The following EHMT1 variants were observed in gnomAD, a reference collection of about 807,000 sequenced individuals.
EHMT1 encodes the protein euchromatic histone lysine methyltransferase 1, also known as histone-lysine N-methyltransferase EHMT1.
A neutral mutation model predicts 147.2 loss-of-function variants in EHMT1; 15 were observed. The ratio of observed to expected loss-of-function variants is 0.10; its 90% CI spans 0.07 to 0.16. EHMT1 has a LOEUF of 0.16. Among genes scored for constraint, EHMT1 ranks in the 10% least tolerant of loss-of-function variants. EHMT1 has a pLI of 1.00. For missense variants in EHMT1, 1,587 were observed against 1,772.4 expected (o/e 0.90, Z 1.88); for synonymous variants, 795 against 709.6 (o/e 1.12, Z -1.91).
chr9:137,818,155 G>T lies in EHMT1; in HGVS notation c.3540+17G>T. On this transcript the variant is annotated intron_variant, in intron 25 of 26. Transcript: ENST00000460843. The stretch of plus-strand genomic sequence containing the variant: ...GACAATAAGGTAATGTGTTTTGTGG[G>T]GTTGGGGCCACGCAGAACTTGTGAA... The T allele has an allele frequency of 1.9e-6, 3 of 1,613,964 alleles. No homozygotes were observed. Among genetic ancestry groups the T allele is most frequent in the Non-Finnish European group, 2.5e-6 (3 of 1,179,798 alleles).
At chr9:137,657,101 T>A (rs1938539566) in intron 1 of EHMT1, among the ~76,000 whole-genome samples, 1 of 152,176 alleles carries the variant, frequency 6.6e-6, no homozygotes, top group Non-Finnish European at 1.5e-5. Flanking sequence ...TGCTGTGGTC[T>A]GGGGGGTGTA....
chr9:137,739,441 G>A (rs917630905), intron 4 of EHMT1, among the ~76,000 whole-genome samples: 36 of 152,142 alleles, frequency 2.4e-4, no homozygotes, highest in African/African-American at 7.9e-4. Context: ...GCTGGGTTCA[G>A]TGTCCACACT....
intron 1 of EHMT1, among the ~76,000 whole-genome samples, chr9:137,675,779 ATTTTTTTTTT>A (rs781380107): frequency 3.1e-5 from 3 of 95,740 alleles, no homozygotes; most frequent in South Asian, 3.3e-4. Flanking sequence ...CGCCCGGCTA[ATTTTTTTTTT>A]TTTTTTTTTT....
At chr9:137,665,885 CA>C (rs1426744749) in intron 1 of EHMT1, 2 of 152,236 alleles carry the variant, frequency 1.3e-5, no homozygotes, top group Admixed American at 6.5e-5. Context: ...GCCGCTGGGG[CA>C]GCCTCCATTT....
intron 1 of EHMT1, among the ~76,000 whole-genome samples, chr9:137,656,272 C>T (rs1938436576): frequency 1.3e-5 from 2 of 152,138 alleles, no homozygotes; most frequent in South Asian, 4.1e-4. Flanking sequence ...CCCAGCTACT[C>T]AGGAGGCTGA....
At chr9:137,739,308 A>T (rs1947843909) in intron 4 of EHMT1, among the ~76,000 whole-genome samples, 1 of 151,614 alleles carries the variant, frequency 6.6e-6, no homozygotes, top group South Asian at 2.1e-4. Flanking sequence ...GTGAGCGGAG[A>T]TCGCACCAAT....
At chr9:137,624,853 T>C (rs1164632942) in intron 1 of EHMT1, among the ~76,000 whole-genome samples, 1 of 151,776 alleles carries the variant, frequency 6.6e-6, no homozygotes. Flanking sequence ...ATTAAAGGCA[T>C]GATCCACCGA....
intron 4 of EHMT1, 25 bp from the exon 5 acceptor site, chr9:137,743,346 T>A: frequency 6.4e-7 from 1 of 1,573,712 alleles, no homozygotes; most frequent in Non-Finnish European, 8.6e-7. Context: ...TCTTGTCCCC[T>A]TTTGACTTTT....
intron 9 of EHMT1, among the ~76,000 whole-genome samples, chr9:137,759,743 G>A (rs1949661002): frequency 6.6e-6 from 1 of 152,254 alleles, no homozygotes. Context: ...GACAGGCGGT[G>A]CGCCCACTGT....
intron 1 of EHMT1, among the ~76,000 whole-genome samples, chr9:137,670,859 C>T (rs937525670): frequency 1.3e-5 from 2 of 152,216 alleles, no homozygotes; most frequent in African/African-American, 4.8e-5. Context: ...GCCTTTGCCG[C>T]CGTCTTCCTT....
chr9:137,774,765 G>A (rs111660455), intron 10 of EHMT1, among the ~76,000 whole-genome samples: 8 of 138,652 alleles, frequency 5.8e-5, no homozygotes, highest in African/African-American at 2.0e-4. Flanking sequence ...ATGTGGTCGC[G>A]TCTGGCCCCC....
At chr9:137,717,331 A>C in intron 3 of EHMT1, 149 bp downstream of exon 3, 1 of 1,029,774 alleles carries the variant, frequency 9.7e-7, no homozygotes, top group Non-Finnish European at 1.5e-6. Context: ...GGCCGGGAGC[A>C]GTGGCTTACA....
chr9:137,810,842 G>A (rs747981093), intron 18 of EHMT1, among the ~76,000 whole-genome samples: 14 of 151,988 alleles, frequency 9.2e-5, no homozygotes, highest in Non-Finnish European at 1.8e-4. Context: ...TGGGATTACA[G>A]GTGCCCACCA....
chr9:137,828,900 G>A lies in EHMT1; in HGVS notation c.3541-5449G>A, dbSNP rs1482855954. Among the ~76,000 whole-genome samples the A allele has an allele frequency of 6.6e-6, 1 of 152,130 alleles. No homozygotes were observed. Among genetic ancestry groups the A allele is most frequent in the Non-Finnish European group, 1.5e-5 (1 of 68,006 alleles). On this transcript the variant is annotated intron_variant, in intron 25 of 26. Coordinates refer to ENST00000460843, the MANE Select transcript of EHMT1 (RefSeq NM_024757.5). The surrounding 1 kb of genome is among the most constrained non-coding windows in gnomAD (Gnocchi z 5.3). ...CCTGCTTGCTGCGTGGGGGCTTGTGGAGCCTGCTAGGAATCCTGGGAAGAG... is the reference window on the plus strand; with the variant it reads ...CCTGCTTGCTGCGTGGGGGCTTGTGAAGCCTGCTAGGAATCCTGGGAAGAG...
At chr9:137,752,211 C>G (rs1949025529) in intron 6 of EHMT1, 120 bp from the exon 7 acceptor site, 1 of 1,238,116 alleles carries the variant, frequency 8.1e-7, no homozygotes, top group East Asian at 2.5e-5. Context: ...GCGAGCGTCT[C>G]CGGCGTGTGC....
At chr9:137,765,007 C>T (rs1176788653) in intron 10 of EHMT1, among the ~76,000 whole-genome samples, 2 of 152,212 alleles carry the variant, frequency 1.3e-5, no homozygotes, top group South Asian at 2.1e-4. Flanking sequence ...TTAATTCTGG[C>T]GAGAATGCTG....
intron 15 of EHMT1, chr9:137,788,228 C>T (rs1428794376): frequency 1.9e-6 from 1 of 514,590 alleles, no homozygotes; most frequent in Non-Finnish European, 3.4e-6. Flanking sequence ...CAGGATGCTC[C>T]TCCCTGGAGT....
chr9:137,708,769 C>G (rs968131127), intron 1 of EHMT1, among the ~76,000 whole-genome samples: 2 of 152,084 alleles, frequency 1.3e-5, no homozygotes, highest in East Asian at 3.8e-4. Context: ...AGTGGCATGT[C>G]CAGGCCTGAG....
At chr9:137,825,210 C>A (rs1367789028) in intron 25 of EHMT1, among the ~76,000 whole-genome samples, 1 of 152,192 alleles carries the variant, frequency 6.6e-6, no homozygotes, top group African/African-American at 2.4e-5. Flanking sequence ...TCCTCACATT[C>A]TGTGGGCCAG....
Sources: gnomAD v4.1 joint callset for allele counts (sites outside exome capture counted in the v4.1 genomes callset) on GRCh38, gnomAD v4.1.1 for gene constraint, Gnocchi (gnomAD v3.1) non-coding constraint, MANE v1.5 for transcripts, NCBI Gene and HGNC (gene_info 2026-07-23, HGNC 2026-07-21) for gene names.